The following LRBA variants were observed in gnomAD, a reference collection of about 807,000 sequenced individuals.
LRBA encodes LPS responsive beige-like anchor protein, also known as lipopolysaccharide-responsive and beige-like anchor protein.
LRBA carries 176 observed loss-of-function variants against 330.0 expected under a neutral mutation model. The observed-to-expected ratio is 0.53, with a 90% CI of 0.47 to 0.60. The LOEUF is 0.60. Among genes scored for constraint, LRBA ranks in the 20% least tolerant of loss-of-function variants. The probability of loss-of-function intolerance (pLI) is 0.00; values close to 1 mark genes in which losing one functional copy is unlikely to be tolerated. For missense variants in LRBA, 3,259 were observed against 3,444.8 expected (o/e 0.95, Z 1.35); for synonymous variants, 1,230 against 1,193.0 (o/e 1.03, Z -0.64).
At chr4:150,510,804 C>A (rs1761743266) in intron 40 of LRBA, among the ~76,000 whole-genome samples, 1 of 152,056 alleles carries the variant, frequency 6.6e-6, no homozygotes. Context: ...ATAGCTCCAC[C>A]ATATGCCCTC....
chr4:150,669,541 A>T (rs1781862107), intron 37 of LRBA, among the ~76,000 whole-genome samples: 1 of 151,780 alleles, frequency 6.6e-6, no homozygotes, highest in Non-Finnish European at 1.5e-5. Context: ...TTGTTTTGTG[A>T]AACATCCCTG....
chr4:150,936,594 T>C (rs914538956), intron 2 of LRBA, among the ~76,000 whole-genome samples: 2 of 152,012 alleles, frequency 1.3e-5, no homozygotes, highest in Admixed American at 1.3e-4. Context: ...TCCATAATTA[T>C]ATAATGATTA....
intron 2 of LRBA, among the ~76,000 whole-genome samples, chr4:150,966,568 C>T (rs1050895720): frequency 1.3e-5 from 2 of 151,346 alleles, no homozygotes; most frequent in Non-Finnish European, 2.9e-5. Flanking sequence ...CCTCGTGATC[C>T]GCCCGCTTCG....
chr4:150,651,735 T>A (rs921244133), intron 37 of LRBA, among the ~76,000 whole-genome samples: 2 of 152,092 alleles, frequency 1.3e-5, no homozygotes, highest in Non-Finnish European at 2.9e-5. Context: ...TGGGACACAA[T>A]ATTCTTCAGT....
chr4:150,855,565 A>G (rs1201204), intron 22 of LRBA, among the ~76,000 whole-genome samples: 6,705 of 152,090 alleles, frequency 0.044, 404 homozygotes, highest in South Asian at 0.26. Flanking sequence ...AATTTTTTTT[A>G]ATCTCACATG....
chr4:150,308,253 T>C (rs1468255780), intron 52 of LRBA, among the ~76,000 whole-genome samples: 2 of 152,196 alleles, frequency 1.3e-5, no homozygotes, highest in Non-Finnish European at 2.9e-5. Context: ...GGACCACATA[T>C]ATGATGGTGG....
In LRBA at chr4:150,886,532, T is replaced by C. The variant is rs952742095; in HGVS notation, c.2165+6520A>G. On this transcript the variant is annotated intron_variant, in intron 17 of 56. Coordinates refer to ENST00000651943, the MANE Select transcript of LRBA (RefSeq NM_001364905.1). ...GCCTAATTCCTGAATGAAGCATATG[T>C]ATGTGAGGAAAATACAAGGCAAACT... Among the ~76,000 whole-genome samples the C allele has an allele frequency of 3.3e-5, 5 of 152,248 alleles. 1 individual carries two copies. In the East Asian group the frequency reaches 9.7e-4, roughly 29 times the overall value.
intron 33 of LRBA, among the ~76,000 whole-genome samples, chr4:150,803,844 T>C (rs1742141961): frequency 6.6e-6 from 1 of 152,154 alleles, no homozygotes; most frequent in South Asian, 2.1e-4. Context: ...CAAAATTTAT[T>C]GGTAAAAAAT....
At chr4:150,766,475 C>T (rs1369591660) in intron 34 of LRBA, among the ~76,000 whole-genome samples, 2 of 152,072 alleles carry the variant, frequency 1.3e-5, no homozygotes, top group African/African-American at 4.8e-5. Flanking sequence ...ACATTCTCTA[C>T]AGTAATTCAC....
At chr4:150,371,522 CTTA>C (rs1020577203) in intron 47 of LRBA, among the ~76,000 whole-genome samples, 3 of 151,996 alleles carry the variant, frequency 2.0e-5, no homozygotes, top group African/African-American at 7.2e-5. Context: ...ATTTATATCT[CTTA>C]TTATGTTCAG....
chr4:150,864,696 GA>G (rs1752454262), intron 22 of LRBA, among the ~76,000 whole-genome samples: 1 of 146,610 alleles, frequency 6.8e-6, no homozygotes, highest in Non-Finnish European at 1.5e-5. Context: ...ACCCAGGCTG[GA>G]GTATAGTGGT....
intron 37 of LRBA, among the ~76,000 whole-genome samples, chr4:150,662,835 G>C (rs1244372860): frequency 6.6e-6 from 1 of 152,100 alleles, no homozygotes; most frequent in Non-Finnish European, 1.5e-5. Context: ...ATGGGTGGTA[G>C]CAGTCTTAGT....
intron 28 of LRBA, among the ~76,000 whole-genome samples, chr4:150,836,868 T>G (rs1435168352): frequency 6.6e-6 from 1 of 152,240 alleles, no homozygotes; most frequent in African/African-American, 2.4e-5. Flanking sequence ...GCTTCTCTAA[T>G]TATTTTAATT....
intron 50 of LRBA, among the ~76,000 whole-genome samples, chr4:150,319,428 T>G (rs922746199): frequency 2.0e-5 from 3 of 152,136 alleles, no homozygotes; most frequent in Non-Finnish European, 4.4e-5. Context: ...AATCCTCTAG[T>G]GTATTTGATA....
chr4:150,896,938 T>TA (rs1441993283), intron 15 of LRBA, among the ~76,000 whole-genome samples: 2 of 151,000 alleles, frequency 1.3e-5, no homozygotes, highest in Non-Finnish European at 3.0e-5. Context: ...ATGAGCTCGT[T>TA]ATGAAAATTT....
At chr4:150,722,161 T>C (rs1729021908) in intron 36 of LRBA, among the ~76,000 whole-genome samples, 1 of 151,514 alleles carries the variant, frequency 6.6e-6, no homozygotes, top group African/African-American at 2.4e-5. Flanking sequence ...CTAAATCCAA[T>C]TTGGAAAAAA....
At chr4:150,399,202 C>T (rs1032796429) in intron 47 of LRBA, among the ~76,000 whole-genome samples, 4 of 152,044 alleles carry the variant, frequency 2.6e-5, no homozygotes, top group South Asian at 2.1e-4. Flanking sequence ...GACTATTTTG[C>T]GTCACTTATT....
chr4:150,629,425 G>A (rs1777159571), intron 37 of LRBA, among the ~76,000 whole-genome samples: 1 of 151,058 alleles, frequency 6.6e-6, no homozygotes, highest in Non-Finnish European at 1.5e-5. Context: ...GATCACTTGA[G>A]GTCAGGAGTT....
intron 47 of LRBA, among the ~76,000 whole-genome samples, chr4:150,402,889 G>A (rs1273277905): frequency 6.6e-6 from 1 of 151,986 alleles, no homozygotes; most frequent in Non-Finnish European, 1.5e-5. Flanking sequence ...GGATAAGCAT[G>A]TGGCAATCCT....
Sources: gnomAD v4.1 joint callset for allele counts (sites outside exome capture counted in the v4.1 genomes callset) on GRCh38, gnomAD v4.1.1 for gene constraint, MANE v1.5 for transcripts, NCBI Gene and HGNC (gene_info 2026-07-23, HGNC 2026-07-21) for gene names.